The following HYDIN variants were observed in gnomAD, a reference collection of about 807,000 sequenced individuals.
HYDIN encodes the protein HYDIN axonemal central pair apparatus protein, also known as axonemal central pair apparatus protein HYDIN.
HYDIN carries 132 observed loss-of-function variants against 403.9 expected under a neutral mutation model. That is an observed-to-expected ratio of 0.33 (90% CI 0.28 to 0.38). The LOEUF is 0.38. Ranked by LOEUF, HYDIN falls within the 10% of genes least tolerant of loss-of-function variation. HYDIN has a pLI of 1.00. For synonymous variants in HYDIN, 1,202 were observed against 1,891.7 expected (o/e 0.64, Z 9.46); for missense variants, 2,827 against 5,009.5 (o/e 0.56, Z 13.15).
chr16:70,929,503 C>G (rs367810598), intron 45 of HYDIN, among the ~76,000 whole-genome samples: 21 of 152,194 alleles, frequency 1.4e-4, no homozygotes, highest in African/African-American at 4.8e-4. Flanking sequence ...CACAGCTTCA[C>G]AGATTAGTCT....
At chr16:71,169,797 T>A (rs549236809) in intron 5 of HYDIN, among the ~76,000 whole-genome samples, 1 of 152,220 alleles carries the variant, frequency 6.6e-6, no homozygotes, top group South Asian at 2.1e-4. Flanking sequence ...GAAAGCAGAT[T>A]TTAAATGTTC....
intron 18 of HYDIN, among the ~76,000 whole-genome samples, chr16:71,054,086 G>C (rs1489966440): frequency 9.1e-4 from 138 of 152,382 alleles, no homozygotes; most frequent in African/African-American, 3.2e-3. Flanking sequence ...GAGTGGGTAT[G>C]TGTTGAGAAC....
intron 49 of HYDIN, 122 bp downstream of exon 49, chr16:70,908,130 C>T: frequency 1.4e-6 from 1 of 732,674 alleles, no homozygotes; most frequent in Non-Finnish European, 2.2e-6. Context: ...GCTGATATGA[C>T]AAGAGGGGCT....
At chr16:71,021,033 CATT>C (rs1403301540) in intron 21 of HYDIN, among the ~76,000 whole-genome samples, 1 of 150,204 alleles carries the variant, frequency 6.7e-6, no homozygotes, top group East Asian at 1.9e-4. Flanking sequence ...ATATAGCTAT[CATT>C]ATAATGAATA....
intron 18 of HYDIN, among the ~76,000 whole-genome samples, chr16:71,053,596 T>C (rs1293220938): frequency 1.3e-5 from 2 of 149,256 alleles, no homozygotes; most frequent in Non-Finnish European, 3.0e-5. Context: ...ATATACATTT[T>C]AGAAGCAACA....
intron 58 of HYDIN, among the ~76,000 whole-genome samples, chr16:70,888,126 T>C (rs1293398310): frequency 6.6e-6 from 1 of 152,278 alleles, no homozygotes. Flanking sequence ...CATACTATTT[T>C]AAAAATTTTC....
At chr16:70,826,743 C>CTG (rs2036622261) in intron 83 of HYDIN, among the ~76,000 whole-genome samples, 3 of 131,310 alleles carry the variant, frequency 2.3e-5, no homozygotes, top group African/African-American at 7.1e-5. Context: ...CTCTCTCTCT[C>CTG]TCTGTGTGTG....
At chr16:70,951,542 G>T (rs1005845992) in intron 41 of HYDIN, among the ~76,000 whole-genome samples, 5 of 151,584 alleles carry the variant, frequency 3.3e-5, no homozygotes, top group Non-Finnish European at 5.9e-5. Flanking sequence ...TTCTCCACTT[G>T]GCTTCTCCCA....
At chr16:70,868,018 A>G (rs2039861949) in intron 66 of HYDIN, among the ~76,000 whole-genome samples, 1 of 152,102 alleles carries the variant, frequency 6.6e-6, no homozygotes, top group African/African-American at 2.4e-5. Flanking sequence ...AAAAACAAAA[A>G]CCAAGGGAGT....
At chr16:71,059,348 T>C (rs1287847469) in intron 18 of HYDIN, among the ~76,000 whole-genome samples, 2 of 152,098 alleles carry the variant, frequency 1.3e-5, no homozygotes, top group African/African-American at 2.4e-5. Context: ...AGTTTCAATC[T>C]CCTGCATATG....
chr16:71,094,659 TACAC>T (rs941078658), intron 10 of HYDIN, among the ~76,000 whole-genome samples: 1 of 152,426 alleles, frequency 6.6e-6, no homozygotes, highest in East Asian at 1.9e-4. Flanking sequence ...CATTTTTACG[TACAC>T]ACACAATGCT....
intron 71 of HYDIN, among the ~76,000 whole-genome samples, 154 bp from the exon 72 acceptor site, chr16:70,858,024 C>T (rs544561750): frequency 2.4e-4 from 36 of 152,298 alleles, no homozygotes; most frequent in African/African-American, 8.7e-4. Context: ...GTAGGTGTGG[C>T]TGTACCAGAA....
At chr16:71,042,185 C>T (rs2081305157) in intron 18 of HYDIN, among the ~76,000 whole-genome samples, 1 of 151,886 alleles carries the variant, frequency 6.6e-6, no homozygotes, top group African/African-American at 2.4e-5. Flanking sequence ...CAAAGGTATA[C>T]ATACACACAA....
chr16:71,185,076 G>C, intron 2 of HYDIN, 86 bp from the exon 3 acceptor site: 1 of 890,392 alleles, frequency 1.1e-6, no homozygotes, highest in Non-Finnish European at 1.6e-6. Context: ...TGAATAATTT[G>C]TGTTTGCAGC....
intron 1 of HYDIN, among the ~76,000 whole-genome samples, chr16:71,193,529 G>T (rs931342210): frequency 6.6e-6 from 1 of 150,916 alleles, no homozygotes; most frequent in African/African-American, 2.4e-5. Flanking sequence ...CTAAAAGACA[G>T]AAAAAAAAAG....
chr16:71,100,039 G>C (rs570121313), intron 10 of HYDIN, among the ~76,000 whole-genome samples: 7 of 152,092 alleles, frequency 4.6e-5, no homozygotes, highest in African/African-American at 1.7e-4. Flanking sequence ...AAGAGAGTAA[G>C]ATTCAGGATT....
At chr16:70,883,736 A>AT (rs1457157781) in intron 59 of HYDIN, among the ~76,000 whole-genome samples, 184 bp downstream of exon 59, 6 of 151,958 alleles carry the variant, frequency 3.9e-5, no homozygotes, top group African/African-American at 1.4e-4. Context: ...CACCCAGCTA[A>AT]TTTTTTGTAT....
At chr16:70,961,057 T>C (rs1370349423) in intron 38 of HYDIN, among the ~76,000 whole-genome samples, 2 of 152,136 alleles carry the variant, frequency 1.3e-5, no homozygotes, top group Non-Finnish European at 2.9e-5. Flanking sequence ...ATTTCACTAG[T>C]TCCCTACTAA....
At chr16:70,954,496 C>G (rs921004938) in intron 40 of HYDIN, among the ~76,000 whole-genome samples, 1 of 151,852 alleles carries the variant, frequency 6.6e-6, no homozygotes, top group African/African-American at 2.4e-5. Context: ...AAACAACCCC[C>G]CTCCCCCAAA....
Sources: gnomAD v4.1 joint callset for allele counts (sites outside exome capture counted in the v4.1 genomes callset) on GRCh38, gnomAD v4.1.1 for gene constraint, MANE v1.5 for transcripts, NCBI Gene and HGNC (gene_info 2026-07-23, HGNC 2026-07-21) for gene names.